Variants in MUC4 observed in about 807,000 individuals in gnomAD.
The protein encoded by MUC4 is mucin-4.
MUC4 carries 202 observed loss-of-function variants against 257.9 expected under a neutral mutation model. The ratio of observed to expected loss-of-function variants is 0.78; its 90% CI spans 0.70 to 0.88. The LOEUF (loss-of-function observed/expected upper bound fraction) is 0.88. MUC4 is among the 40% of genes least tolerant of loss of function. The pLI, the probability that MUC4 is intolerant of heterozygous loss-of-function variation, is 0.00. For missense variants in MUC4, 5,976 were observed against 6,513.7 expected, an observed-to-expected ratio of 0.92 and a Z score of 2.84; for synonymous variants, 2,351 against 2,757.1, an observed-to-expected ratio of 0.85 and a Z score of 4.62.
In MUC4 at chr3:195,769,031, C is replaced by A. The variant is rs1373817744; in HGVS notation, c.13520G>T (p.Gly4507Val). 8 of 1,613,414 alleles carry A rather than the reference C, an allele frequency of 5.0e-6. No homozygotes were observed. The highest frequency in any genetic ancestry group is 6.8e-6 in the Non-Finnish European group (8 of 1,179,514). The change falls in exon 7 of 25, where the codon GGC (glycine) becomes GTC (valine). Residue 4507 changes from glycine (G) to valine (V), a missense_variant. This residue lies in a region of MUC4 where 996 missense variants were observed against 1,137.3 expected (regional missense o/e 0.88). Transcript: ENST00000463781. ...GCCCCTCCCATCCTACCTAGAGAAGCCCATGAGCACCGGGTTGCCTGAGCG... is the reference window on the plus strand; with the variant it reads ...GCCCCTCCCATCCTACCTAGAGAAGACCATGAGCACCGGGTTGCCTGAGCG... ...AQRSGNPVLMGFSSGDGYFEN... is the reference protein window; with the variant it reads ...AQRSGNPVLMVFSSGDGYFEN...
Position 195,763,434 on chromosome 3 carries a change from G to A in MUC4, c.14252C>T (p.Thr4751Met), listed in dbSNP as rs911602589. The change falls in exon 12 of 25, where the codon ACG becomes ATG. Residue 4751 changes from threonine (T) to methionine (M), a missense_variant and splice_region_variant. Physicochemically the swap from Thr to Met is moderately conservative, Grantham distance 81. This residue lies in a region of MUC4 where 996 missense variants were observed against 1,137.3 expected (regional missense o/e 0.88). Transcript: ENST00000463781. ...QYRSSSLGPV[T>M]VQWLLEPHDA... is the part of the protein sequence containing the mutation. ...AGGTTCCCGGCACCCCTCACTCACC[G>A]TGACGGGGCCCAGGCTGCTGGAGCG... is the stretch of plus-strand genomic sequence containing the variant. 12 of 1,411,394 alleles carry A rather than the reference G, an allele frequency of 8.5e-6. No homozygotes were observed. In the African/African-American group the frequency reaches 1.6e-4, roughly 19 times the overall value. The allele number at this position is 1,411,394 out of a possible 1,614,324, so 87.4% of individuals were successfully genotyped here.
chr3:195,747,503 G>A, intron 24 of MUC4, 123 bp from the exon 25 acceptor site: 2 of 1,166,158 alleles, frequency 1.7e-6, no homozygotes, highest in Non-Finnish European at 2.4e-6. Context: ...TCTCCGGAGA[G>A]ACTGAGTCAG....
chr3:195,784,691 C>A lies in MUC4; in HGVS notation c.6889G>T (p.Ala2297Ser), dbSNP rs773932101. ...TPLPVTSPSS[A>S]STGHATPLHV... is the part of the protein sequence containing the mutation. ...AGAGGGGTGGCGTGACCTGTGGATG[C>A]TGAGGAAGGGCTAGTGACAGGAAGA... The change falls in exon 2 of 25, where the codon GCA becomes TCA. Residue 2297 changes from alanine (A) to serine (S), a missense_variant. Ala to Ser is a moderately conservative substitution (Grantham distance 99). Around this residue, in one of 44 missense-constraint regions of MUC4, gnomAD observed 62 missense variants for 74.0 expected, o/e 0.84. Transcript: ENST00000463781. 2.8e-6 allele frequency: 4 copies of A among 1,449,132 alleles called. No individual in the cohort carries two copies. In the East Asian group the frequency reaches 1.1e-4, roughly 40 times the overall value. 89.8% of individuals were successfully genotyped at this position (1,449,132 alleles called of 1,614,324 possible).
intron 7 of MUC4, among the ~76,000 whole-genome samples, chr3:195,767,510 TCAC>T (rs750248612): frequency 1.7e-4 from 6 of 35,432 alleles, no homozygotes; most frequent in Non-Finnish European, 4.2e-4. Context: ...ACCACCACCA[TCAC>T]CATCACCACC....
Position 195,809,981 on chromosome 3 carries a change from C to T in MUC4, c.82+1755G>A, listed in dbSNP as rs374277557. 3.4e-3 allele frequency: 519 copies of T among 152,746 alleles called. 1 individual carries two copies. Among genetic ancestry groups the T allele is most frequent in the South Asian group, 8.5e-3 (41 of 4,834 alleles). The allele number at this position is 152,746 out of a possible 1,614,324, so 9.5% of individuals were successfully genotyped here. A position where few individuals can be genotyped will look rare whatever the true frequency, so the allele number is the denominator to read the frequency against. On this transcript the variant is annotated intron_variant, in intron 1 of 24. Coordinates refer to ENST00000463781, the MANE Select transcript of MUC4 (RefSeq NM_018406.7). ...TCCCCGGCGCCCCAAGCCCCAGCCT[C>T]GCTCTGGGAGTCATGATTCCCGTGG...
rs147224227 is a variant in MUC4 at position 195,808,505 on chromosome 3, C to T, written c.82+3231G>A. 2.0e-5 allele frequency among the ~76,000 whole-genome samples: 3 copies of T among 152,298 alleles called. No individual in the cohort carries two copies. The East Asian group carries it at 5.8e-4, about 29-fold the overall frequency. Reference sequence around the variant, plus strand: ...ACAGCGTGAGCCACCGCGCCCGGCCCTTTATGCCTTTTCTACTTTACACCA... The same window carrying T: ...ACAGCGTGAGCCACCGCGCCCGGCCTTTTATGCCTTTTCTACTTTACACCA... On this transcript the variant is annotated intron_variant, in intron 1 of 24. Coordinates refer to ENST00000463781, the MANE Select transcript of MUC4 (RefSeq NM_018406.7).
In MUC4 at chr3:195,764,124, A is replaced by T. The variant is rs552938788; in HGVS notation, c.13965T>A (p.Asn4655Lys). 1.3e-6 allele frequency: 2 copies of T among 1,594,352 alleles called. No homozygotes were observed. Among genetic ancestry groups the T allele is most frequent in the East Asian group, 4.6e-5 (2 of 43,840 alleles). ...LEPQSWCCRW[N>K]DKPYLCALYQ... is the part of the protein sequence containing the mutation. Reference sequence around the variant, plus strand: ...ACAGGGCACAGAGGTAGGGCTTGTCATTCCAGCGGCAGCACCAGCTCTGTG... The same window carrying T: ...ACAGGGCACAGAGGTAGGGCTTGTCTTTCCAGCGGCAGCACCAGCTCTGTG... The change falls in exon 11 of 25, where the codon AAT (asparagine) becomes AAA (lysine). Residue 4655 changes from asparagine to lysine, a missense_variant. This residue lies in a region of MUC4 where 996 missense variants were observed against 1,137.3 expected (regional missense o/e 0.88). Transcript: ENST00000463781.
In MUC4 at chr3:195,788,787, G is replaced by C; in HGVS notation, c.2793C>G (p.Thr931=). 2.5e-6 allele frequency: 4 copies of C among 1,613,944 alleles called. No individual in the cohort carries two copies. Among genetic ancestry groups the C allele is most frequent in the Non-Finnish European group, 3.4e-6 (4 of 1,179,856 alleles). Residue 931 remains threonine, a synonymous_variant, in exon 2 of 25, where the codon ACC becomes ACG. Coordinates refer to ENST00000463781, the MANE Select transcript of MUC4 (RefSeq NM_018406.7). ...TISLASQATD[T]FSTVPPTPPS... is the part of the protein sequence containing the mutation. ...GAGGTGTGGGTGGGACTGTTGAGAAGGTGTCGGTTGCCTGGGACGCCAGGC... is the reference window on the plus strand; with the variant it reads ...GAGGTGTGGGTGGGACTGTTGAGAACGTGTCGGTTGCCTGGGACGCCAGGC...
chr3:195,778,722 T>A (rs542832190), intron 2 of MUC4, 68 bp downstream of exon 2: 3 of 1,475,432 alleles, frequency 2.0e-6, no homozygotes, highest in African/African-American at 2.8e-5. Flanking sequence ...TGTTCTCAGG[T>A]ACTCCTTAGG....
rs370452669 is a variant in MUC4, at chr3:195,769,042, C to G, written c.13509G>C (p.Pro4503=). 71 of 1,613,754 alleles carry G rather than the reference C, an allele frequency of 4.4e-5. No homozygotes were observed. The South Asian group carries it at 7.7e-4, about 17-fold the overall frequency. ...QWDVAQRSGN[P]VLMGFSSGDG... is the part of the protein sequence containing the mutation. The stretch of plus-strand genomic sequence containing the variant: ...CCTACCTAGAGAAGCCCATGAGCAC[C>G]GGGTTGCCTGAGCGCTGGGCCACGT... The change falls in exon 7 of 25, where the codon CCG becomes CCC. Residue 4503 remains proline (P), a synonymous_variant. Transcript: ENST00000463781.
intron 23 of MUC4, among the ~76,000 whole-genome samples, chr3:195,749,360 A>G (rs868854745): frequency 3.9e-5 from 6 of 152,176 alleles, no homozygotes; most frequent in South Asian, 2.1e-4. Context: ...AAAGGTTCCT[A>G]TGGAAAATGC....
Position 195,760,900 on chromosome 3 carries a change from C to A in MUC4, c.14832G>T (p.Gln4944His), listed in dbSNP as rs201080866. ...HTREVSKNYEQANATLNQYPP... is the reference protein window; with the variant it reads ...HTREVSKNYEHANATLNQYPP... ...GCCACTTACTGAGGGTGGCGTTCGCCTGCTCGTAGTTTTTACTGACTTCCC... is the reference window on the plus strand; with the variant it reads ...GCCACTTACTGAGGGTGGCGTTCGCATGCTCGTAGTTTTTACTGACTTCCC... The change falls in exon 16 of 25, where the codon CAG becomes CAT. Residue 4944 changes from glutamine (Q) to histidine (H), a missense_variant. Gln to His is a conservative substitution (Grantham distance 24, BLOSUM62 0). Transcript: ENST00000463781. 1.4e-4 allele frequency: 218 copies of A among 1,614,050 alleles called. No homozygotes were observed. Among genetic ancestry groups the A allele is most frequent in the Non-Finnish European group, 2.9e-5 (34 of 1,180,046 alleles).
chr3:195,757,011 G>C lies in MUC4; in HGVS notation c.15168+136C>G. ...AGTTTGTGGCCTGAGACTGGAATCT[G>C]CTCTACTCACCTACCACTGCTCCAC... On this transcript the variant is annotated intron_variant, in intron 18 of 24. Coordinates refer to ENST00000463781, the MANE Select transcript of MUC4 (RefSeq NM_018406.7). This position sits in a 1 kb window ranked among gnomAD's most constrained non-coding sequence, Gnocchi z 4.8. 1 of 882,404 alleles carries C rather than the reference G, an allele frequency of 1.1e-6. No individual in the cohort carries two copies. Among genetic ancestry groups the C allele is most frequent in the Non-Finnish European group, 1.7e-6 (1 of 575,008 alleles). 54.7% of individuals were successfully genotyped at this position (882,404 alleles called of 1,614,324 possible). A position where few individuals can be genotyped will look rare whatever the true frequency, so the allele number is the denominator to read the frequency against.
Position 195,790,919 on chromosome 3 carries a change from T to C in MUC4, c.661A>G (p.Thr221Ala), listed in dbSNP as rs1386036691. Residue 221 changes from threonine (T) to alanine (A), a missense_variant, in exon 2 of 25, where the codon ACT (threonine) becomes GCT (alanine). Thr to Ala is a moderately conservative substitution (Grantham distance 58). Transcript: ENST00000463781. ...TGTACACTTGGAGAGAAAGAAGGAG[T>C]TGAAGTGGTTCTGTGTGTTAGGGTG... Reference protein sequence around the residue: ...TSTLTHRTTSTPSFSPSVHNV... With the variant: ...TSTLTHRTTSAPSFSPSVHNV... The C allele has an allele frequency of 6.2e-7, 1 of 1,613,550 alleles. No homozygotes were observed. Among genetic ancestry groups the C allele is most frequent in the Admixed American group, 1.7e-5 (1 of 59,960 alleles).
chr3:195,753,132 G>A lies in MUC4; in HGVS notation c.15427C>T (p.Pro5143Ser). 1.2e-6 allele frequency: 2 copies of A among 1,613,106 alleles called. No homozygotes were observed. Among genetic ancestry groups the A allele is most frequent in the Admixed American group, 1.7e-5 (1 of 59,670 alleles). Residue 5143 changes from proline to serine, a missense_variant, in exon 20 of 25, where the codon CCC becomes TCC. Physicochemically the swap from Pro to Ser is moderately conservative, Grantham distance 74 (BLOSUM62 -1). Around this residue, in one of 44 missense-constraint regions of MUC4, gnomAD observed 996 missense variants for 1,137.3 expected, o/e 0.88. Coordinates refer to ENST00000463781, the MANE Select transcript of MUC4 (RefSeq NM_018406.7). ...CYISQTLGCQPMCTCPPAFTD... is the reference protein window; with the variant it reads ...CYISQTLGCQSMCTCPPAFTD... ...AAGGCTGGGGGGCAGGTGCACATGG[G>A]CTGACAGCCCAGAGTCTGGGAGATG...
chr3:195,774,575 A>T (rs1037637873), intron 3 of MUC4, among the ~76,000 whole-genome samples: 1 of 152,162 alleles, frequency 6.6e-6, no homozygotes. Context: ...ACGATTCTCA[A>T]TCTCTTAGTC....
chr3:195,797,995 T>C (rs1734770825), intron 1 of MUC4, among the ~76,000 whole-genome samples: 1 of 151,980 alleles, frequency 6.6e-6, no homozygotes, highest in Non-Finnish European at 1.5e-5. Context: ...AGCACACACA[T>C]ATAGTTCCAG....
chr3:195,758,213 C>T (rs936506859), intron 17 of MUC4, among the ~76,000 whole-genome samples: 5 of 152,166 alleles, frequency 3.3e-5, no homozygotes, highest in African/African-American at 7.2e-5. Context: ...ACGAAAGCAG[C>T]GTCCCTTGTG....
intron 1 of MUC4, among the ~76,000 whole-genome samples, chr3:195,804,314 G>A (rs954588391): frequency 2.0e-5 from 3 of 152,236 alleles, no homozygotes; most frequent in East Asian, 1.9e-4. Flanking sequence ...TGTGAAGGCC[G>A]AGTGGCAGTA....
Sources: gnomAD v4.1 joint callset for allele counts (sites outside exome capture counted in the v4.1 genomes callset) on GRCh38, gnomAD v4.1.1 for gene constraint, gnomAD v4.1.1 regional missense constraint, Gnocchi (gnomAD v3.1) non-coding constraint, MANE v1.5 for transcripts, NCBI Gene and HGNC (gene_info 2026-07-23, HGNC 2026-07-21) for gene names.